MARCHF3: variants seen among roughly 807,000 people sequenced by gnomAD.
MARCHF3 encodes the protein E3 ubiquitin-protein ligase MARCHF3.
Under a neutral mutation model 24.2 loss-of-function variants are expected in MARCHF3, and 13 were observed. The observed-to-expected ratio is 0.54, with a 90% CI of 0.35 to 0.85. The LOEUF is 0.85. Ranked by LOEUF, MARCHF3 falls within the 40% of genes least tolerant of loss-of-function variation. The pLI is 0.01. For synonymous variants in MARCHF3, 144 were observed against 137.3 expected, an observed-to-expected ratio of 1.05 and a Z score of -0.34; for missense variants, 276 against 325.0, an observed-to-expected ratio of 0.85 and a Z score of 1.16.
chr5:126,883,945 G>A (rs1022401582), intron 3 of MARCHF3, among the ~76,000 whole-genome samples: 2 of 152,172 alleles, frequency 1.3e-5, no homozygotes, highest in African/African-American at 4.8e-5. Flanking sequence ...AATTTATGGA[G>A]CTAGAAGGAA....
chr5:126,909,775 C>G (rs887221307), intron 3 of MARCHF3, among the ~76,000 whole-genome samples: 1 of 152,176 alleles, frequency 6.6e-6, no homozygotes, highest in African/African-American at 2.4e-5. Flanking sequence ...CCGTCTTCTG[C>G]GTTGCTCACG....
At chr5:126,966,166 G>A (rs936842796) in intron 1 of MARCHF3, among the ~76,000 whole-genome samples, 3 of 152,202 alleles carry the variant, frequency 2.0e-5, no homozygotes, top group Admixed American at 6.5e-5. Flanking sequence ...CACATCAGTG[G>A]TTTCCTGGAG....
chr5:126,948,665 T>G (rs1750110791), intron 1 of MARCHF3, among the ~76,000 whole-genome samples: 1 of 152,166 alleles, frequency 6.6e-6, no homozygotes, highest in Non-Finnish European at 1.5e-5. Flanking sequence ...CTTGGGGATT[T>G]CATCACATCT....
At position 126,882,247 on chromosome 5, in the gene MARCHF3, T is replaced by A. The variant is rs141940254; in HGVS notation, c.394-3853A>T. 3.0e-3 allele frequency among the ~76,000 whole-genome samples: 455 copies of A among 152,266 alleles called. 6 individuals carry two copies. The highest frequency in any genetic ancestry group is 0.01 in the African/African-American group (436 of 41,546). ...TGTGTGTATGCTTGCGTGTGCAAGG[T>A]TTTTTAACTTTTCAGCTAGGTGGGA... On this transcript the variant is annotated intron_variant, in intron 3 of 4. Coordinates refer to ENST00000308660, the MANE Select transcript of MARCHF3 (RefSeq NM_178450.5).
At chr5:126,894,638 G>C (rs375430276) in intron 3 of MARCHF3, among the ~76,000 whole-genome samples, 1 of 151,774 alleles carries the variant, frequency 6.6e-6, no homozygotes, top group Non-Finnish European at 1.5e-5. Context: ...TGGCTTGTAG[G>C]GTTTCTGCCG....
At chr5:126,987,573 T>C (rs73786268) in intron 1 of MARCHF3, among the ~76,000 whole-genome samples, 7,816 of 152,188 alleles carry the variant, frequency 0.051, 370 homozygotes, top group South Asian at 0.13. Context: ...TTCACCCCTC[T>C]GCCACTTCCC....
At chr5:126,959,848 G>T (rs1750582181) in intron 1 of MARCHF3, among the ~76,000 whole-genome samples, 2 of 152,096 alleles carry the variant, frequency 1.3e-5, no homozygotes, top group South Asian at 2.1e-4. Context: ...AGTAAGCATT[G>T]CTTGGTATTC....
At chr5:126,894,744 G>C (rs1362550036) in intron 3 of MARCHF3, among the ~76,000 whole-genome samples, 4 of 151,898 alleles carry the variant, frequency 2.6e-5, no homozygotes, top group Admixed American at 1.3e-4. Context: ...TTCAACTTTG[G>C]TGAATCTGAC....
At chr5:126,963,949 G>C (rs1353628054) in intron 1 of MARCHF3, among the ~76,000 whole-genome samples, 1 of 152,170 alleles carries the variant, frequency 6.6e-6, no homozygotes, top group Admixed American at 6.5e-5. Context: ...ACCATGGGCC[G>C]TATTTGTCTC....
At chr5:126,998,806 G>A (rs891104487) in intron 1 of MARCHF3, among the ~76,000 whole-genome samples, 3 of 152,140 alleles carry the variant, frequency 2.0e-5, no homozygotes, top group African/African-American at 7.2e-5. Context: ...GCCACAATAA[G>A]TTGAGAAGCT....
intron 1 of MARCHF3, among the ~76,000 whole-genome samples, chr5:127,024,607 C>T (rs1752934192): frequency 6.6e-6 from 1 of 152,216 alleles, no homozygotes; most frequent in Admixed American, 6.5e-5. Flanking sequence ...TTAATTTCAG[C>T]TCACTTTCAT....
intron 1 of MARCHF3, among the ~76,000 whole-genome samples, chr5:126,962,417 T>G (rs1448540253): frequency 6.6e-6 from 1 of 151,896 alleles, no homozygotes; most frequent in East Asian, 1.9e-4. Context: ...ATCATATATG[T>G]GTGTGTGTGT....
At chr5:126,953,796 C>T (rs913648626) in intron 1 of MARCHF3, among the ~76,000 whole-genome samples, 2 of 152,160 alleles carry the variant, frequency 1.3e-5, no homozygotes, top group African/African-American at 4.8e-5. Flanking sequence ...TGTTCCTCCC[C>T]CTTTGTCTGC....
chr5:126,893,355 A>T (rs368128844), intron 3 of MARCHF3, among the ~76,000 whole-genome samples: 1 of 150,762 alleles, frequency 6.6e-6, no homozygotes, highest in Admixed American at 6.7e-5. Flanking sequence ...TTGCTCTTGC[A>T]TTTCTAGTTC....
At chr5:126,937,568 C>T (rs1377942987) in intron 1 of MARCHF3, among the ~76,000 whole-genome samples, 1 of 152,098 alleles carries the variant, frequency 6.6e-6, no homozygotes, top group Non-Finnish European at 1.5e-5. Flanking sequence ...GTGTAGTCAC[C>T]TGTTTTATAA....
chr5:126,935,378 G>C (rs1340525889), intron 1 of MARCHF3, among the ~76,000 whole-genome samples: 1 of 152,056 alleles, frequency 6.6e-6, no homozygotes, highest in Non-Finnish European at 1.5e-5. Flanking sequence ...TTTCAGCTGG[G>C]ACATCAGTTT....
chr5:126,878,269 G>A lies in MARCHF3; in HGVS notation c.519C>T (p.His173=). Residue 173 remains histidine (H), a synonymous_variant, in exon 4 of 5, where the codon CAC becomes CAT. Coordinates refer to ENST00000308660, the MANE Select transcript of MARCHF3 (RefSeq NM_178450.5). The part of the protein sequence containing the change: ...GWLCLRGAVD[H]LHFSSRLEAV... Reference sequence around the variant, plus strand: ...CTTCCAGCCGACTACTAAAGTGCAGGTGGTCCACGGCGCCCCGCAGGCACA... The same window carrying A: ...CTTCCAGCCGACTACTAAAGTGCAGATGGTCCACGGCGCCCCGCAGGCACA... 3 of 1,614,260 alleles carry A rather than the reference G, an allele frequency of 1.9e-6. No individual in the cohort carries two copies. Among genetic ancestry groups the A allele is most frequent in the Non-Finnish European group, 1.7e-6 (2 of 1,180,046 alleles).
intron 1 of MARCHF3, among the ~76,000 whole-genome samples, chr5:126,972,364 G>A (rs1470986337): frequency 6.6e-6 from 1 of 152,160 alleles, no homozygotes; most frequent in Non-Finnish European, 1.5e-5. Flanking sequence ...CAAGAGGTAG[G>A]GGCAAAGTAT....
At chr5:126,894,443 G>T (rs370420874) in intron 3 of MARCHF3, among the ~76,000 whole-genome samples, 1 of 151,166 alleles carries the variant, frequency 6.6e-6, no homozygotes, top group South Asian at 2.1e-4. Flanking sequence ...TCCTTTCCAT[G>T]TTTAGCGCTT....
Sources: gnomAD v4.1 joint callset for allele counts (sites outside exome capture counted in the v4.1 genomes callset) on GRCh38, gnomAD v4.1.1 for gene constraint, MANE v1.5 for transcripts, NCBI Gene and HGNC (gene_info 2026-07-23, HGNC 2026-07-21) for gene names.